The following SRPK2 variants were observed in gnomAD, a reference collection of about 807,000 sequenced individuals.
SRPK2 encodes SFRS protein kinase 2.
SRPK2 carries 21 observed loss-of-function variants against 90.8 expected under a neutral mutation model. That is an observed-to-expected ratio of 0.23 (90% confidence interval 0.16 to 0.33). The LOEUF (loss-of-function observed/expected upper bound fraction) is 0.33. SRPK2 is among the 10% of genes least tolerant of loss of function. The pLI is 1.00. For missense variants in SRPK2, 620 were observed against 869.0 expected (o/e 0.71, Z 3.60); for synonymous variants, 288 against 311.1 (o/e 0.93, Z 0.78).
intron 2 of SRPK2, among the ~76,000 whole-genome samples, chr7:105,252,848 A>T (rs1280506623): frequency 1.3e-5 from 2 of 150,768 alleles, no homozygotes; most frequent in Non-Finnish European, 2.9e-5. Flanking sequence ...GGTTCAAGAA[A>T]TTCTCATGCC....
chr7:105,356,043 A>AAAATAAATAAATTAAATT (rs1388399631), intron 2 of SRPK2, among the ~76,000 whole-genome samples: 1 of 152,132 alleles, frequency 6.6e-6, no homozygotes, highest in Non-Finnish European at 1.5e-5. Flanking sequence ...GTGAGACTCT[A>AAAATAAATAAATTAAATT]AAATAAATAA....
intron 2 of SRPK2, among the ~76,000 whole-genome samples, chr7:105,245,286 T>C (rs1585333349): frequency 6.6e-6 from 1 of 152,136 alleles, no homozygotes; most frequent in East Asian, 1.9e-4. Flanking sequence ...CAGGACCCTC[T>C]GCAGTGGGAT....
chr7:105,322,957 G>A (rs1251051303), intron 2 of SRPK2, among the ~76,000 whole-genome samples: 1 of 152,102 alleles, frequency 6.6e-6, no homozygotes, highest in African/African-American at 2.4e-5. Context: ...CCAGTACTTT[G>A]GGAGGCCCAG....
In SRPK2 at chr7:105,351,445, G is replaced by A. The variant is rs573204552; in HGVS notation, c.71+37203C>T. Among the ~76,000 whole-genome samples the A allele has an allele frequency of 9.7e-4, 148 of 152,026 alleles. 1 individual carries two copies. Among genetic ancestry groups the A allele is most frequent in the African/African-American group, 3.0e-3 (126 of 41,480 alleles). ...GGCTGAGGAGGGCGAATCACCTGAG[G>A]TCAGGAGTTTGAGACCACCCTAGGT... On this transcript the variant is annotated intron_variant, in intron 2 of 15. Transcript: ENST00000393651.
chr7:105,285,935 A>C (rs1265097179), intron 2 of SRPK2, among the ~76,000 whole-genome samples: 17 of 152,192 alleles, frequency 1.1e-4, no homozygotes, highest in Admixed American at 1.1e-3. Context: ...CAGAAACAAC[A>C]AGCATTTTAC....
At chr7:105,184,931 C>G (rs1302115784) in intron 3 of SRPK2, among the ~76,000 whole-genome samples, 2 of 152,022 alleles carry the variant, frequency 1.3e-5, no homozygotes, top group African/African-American at 4.8e-5. Context: ...TTATTCTTAA[C>G]CTTCTCCTTG....
chr7:105,297,350 G>T, intron 2 of SRPK2: 2 of 480,262 alleles, frequency 4.2e-6, no homozygotes, highest in Non-Finnish European at 5.4e-6. Context: ...AAATCACAGT[G>T]ATCACAAGTG....
intron 2 of SRPK2, among the ~76,000 whole-genome samples, chr7:105,358,069 C>T (rs1817981810): frequency 1.3e-5 from 2 of 151,630 alleles, no homozygotes; most frequent in South Asian, 4.2e-4. Flanking sequence ...AGTAAAAATA[C>T]AAAAATTAGT....
chr7:105,312,879 C>G (rs927338407), intron 2 of SRPK2, among the ~76,000 whole-genome samples: 2 of 152,178 alleles, frequency 1.3e-5, no homozygotes, highest in Non-Finnish European at 2.9e-5. Flanking sequence ...TCAAGTGATC[C>G]TCCCACCTTG....
rs1563315577 is a variant in SRPK2, at chr7:105,383,052, A to ATTTTTTTTT, written c.71+5595_71+5596insAAAAAAAAA. Among the ~76,000 whole-genome samples the ATTTTTTTTT allele has an allele frequency of 2.8e-3, 295 of 105,308 alleles. 76 individuals are homozygous for ATTTTTTTTT. Among genetic ancestry groups the ATTTTTTTTT allele is most frequent in the African/African-American group, 9.8e-3 (259 of 26,544 alleles). The allele number at this position is 105,308 out of a possible 152,430, so 69.1% of individuals were successfully genotyped here. A position where few individuals can be genotyped will look rare whatever the true frequency, so the allele number is the denominator to read the frequency against. On this transcript the variant is annotated intron_variant, in intron 2 of 15. Coordinates refer to ENST00000393651, the MANE Select transcript of SRPK2 (RefSeq NM_182692.3). Reference sequence around the variant, plus strand: ...AGTCTGAAATTATTTCAAAAGTAAAAATTTTTTTTTTTTTTTTTTTTTTTT... The same window carrying ATTTTTTTTT: ...AGTCTGAAATTATTTCAAAAGTAAAATTTTTTTTTATTTTTTTTTTTTTTTTTTTTTTTT...
intron 2 of SRPK2, among the ~76,000 whole-genome samples, chr7:105,211,839 G>A (rs375050409): frequency 2.0e-5 from 3 of 152,248 alleles, no homozygotes; most frequent in Middle Eastern, 3.4e-3. Flanking sequence ...TTTCTAGAAC[G>A]TAGTACACAG....
chr7:105,299,145 T>C (rs1018917398), intron 2 of SRPK2, among the ~76,000 whole-genome samples: 2 of 152,236 alleles, frequency 1.3e-5, no homozygotes, highest in African/African-American at 4.8e-5. Context: ...TCTGTTTCTC[T>C]ACAGTCCTGT....
intron 3 of SRPK2, among the ~76,000 whole-genome samples, chr7:105,195,829 C>A (rs889539223): frequency 6.6e-6 from 1 of 152,176 alleles, no homozygotes; most frequent in African/African-American, 2.4e-5. Context: ...GCAGTCTATT[C>A]ATTCAGTCAC....
chr7:105,244,260 G>A (rs915724265), intron 2 of SRPK2, among the ~76,000 whole-genome samples: 1 of 152,150 alleles, frequency 6.6e-6, no homozygotes, highest in Admixed American at 6.5e-5. Context: ...AAAAGATACT[G>A]TCCAATATTT....
chr7:105,348,391 A>T (rs1204079), intron 2 of SRPK2, among the ~76,000 whole-genome samples: 1 of 146,848 alleles, frequency 6.8e-6, no homozygotes, highest in African/African-American at 2.5e-5. Context: ...ATAAGCCACT[A>T]TTTGGTATAA....
rs537804453 is a variant in SRPK2 at position 105,395,460 on chromosome 7, T to G, written n.153+3696A>C. Reference sequence around the variant, plus strand: ...AGAACTTAAAGCTGGCTGGGCACAGTGGCTCATGCCTGTAATCCCAGCACT... The same window carrying G: ...AGAACTTAAAGCTGGCTGGGCACAGGGGCTCATGCCTGTAATCCCAGCACT... On this transcript the variant is annotated intron_variant and non_coding_transcript_variant, in intron 1 of 3. Coordinates refer to the SRPK2 transcript ENST00000462282. 1.5e-3 allele frequency among the ~76,000 whole-genome samples: 233 copies of G among 150,368 alleles called. 2 individuals are homozygous for G. Among genetic ancestry groups the G allele is most frequent in the Non-Finnish European group, 1.6e-3 (107 of 67,820 alleles).
intron 2 of SRPK2, among the ~76,000 whole-genome samples, chr7:105,224,739 T>C (rs1798510911): frequency 6.6e-6 from 1 of 152,252 alleles, no homozygotes; most frequent in Non-Finnish European, 1.5e-5. Flanking sequence ...CTTAGAATTC[T>C]AAATTAAACT....
chr7:105,263,351 T>C (rs1804591602), intron 2 of SRPK2, among the ~76,000 whole-genome samples: 1 of 151,752 alleles, frequency 6.6e-6, no homozygotes, highest in South Asian at 2.1e-4. Flanking sequence ...GAAATGCTCA[T>C]AGCAGCACTA....
At chr7:105,335,293 T>C (rs776874023) in intron 2 of SRPK2, among the ~76,000 whole-genome samples, 29 of 152,166 alleles carry the variant, frequency 1.9e-4, no homozygotes, top group Non-Finnish European at 2.9e-4. Context: ...AAGCAAACAA[T>C]TGCATTATCA....
Sources: gnomAD v4.1 joint callset for allele counts (sites outside exome capture counted in the v4.1 genomes callset) on GRCh38, gnomAD v4.1.1 for gene constraint, MANE v1.5 for transcripts, NCBI Gene and HGNC (gene_info 2026-07-23, HGNC 2026-07-21) for gene names.